TOX3: variants seen among roughly 807,000 people sequenced by gnomAD.
TOX3 encodes the protein CAG trinucleotide repeat-containing gene F9 protein.
TOX3 carries 22 observed loss-of-function variants against 64.3 expected under a neutral mutation model. The ratio of observed to expected loss-of-function variants is 0.34; its 90% CI spans 0.24 to 0.49. The LOEUF is 0.49. Ranked by LOEUF, TOX3 falls within the 20% of genes least tolerant of loss-of-function variation. The pLI, the probability that TOX3 is intolerant of heterozygous loss-of-function variation, is 0.99. For missense variants in TOX3, 661 were observed against 714.4 expected (o/e 0.93, Z 0.85); for synonymous variants, 291 against 273.6 (o/e 1.06, Z -0.63).
Position 52,439,830 on chromosome 16 carries a change from G to GGA in TOX3, c.1124_1125dup (p.Gln376SerfsTer14). ...GCGATTGACCTAGGGAGGGATTGCT[G>GGA]GAGAGTCTGAGGTGATGCTGACACT... On this transcript the variant is annotated frameshift_variant, in exon 7 of 7. Transcript: ENST00000219746. LOFTEE classifies it high-confidence loss of function. 6.2e-7 allele frequency: 1 copy of GGA among 1,613,896 alleles called. No individual in the cohort carries two copies. Among genetic ancestry groups the GGA allele is most frequent in the Non-Finnish European group, 8.5e-7 (1 of 1,179,866 alleles).
At chr16:52,502,040 C>T (rs899683005) in intron 1 of TOX3, among the ~76,000 whole-genome samples, 7 of 152,254 alleles carry the variant, frequency 4.6e-5, no homozygotes, top group South Asian at 4.1e-4. Flanking sequence ...AAAAAGTGGC[C>T]GCGATTTCCC....
chr16:52,459,093 A>T (rs1441563565), intron 3 of TOX3, among the ~76,000 whole-genome samples: 1 of 152,150 alleles, frequency 6.6e-6, no homozygotes, highest in African/African-American at 2.4e-5. Context: ...ACAGGAGAAC[A>T]GCTGGAAGCC....
intron 3 of TOX3, among the ~76,000 whole-genome samples, chr16:52,455,264 GT>G (rs923218376): frequency 1.4e-4 from 21 of 151,940 alleles, no homozygotes; most frequent in Admixed American, 1.3e-3. Context: ...AGCCTGAGTG[GT>G]ACTGACATTT....
intron 1 of TOX3, among the ~76,000 whole-genome samples, chr16:52,534,483 T>A (rs888556671): frequency 1.3e-5 from 2 of 151,770 alleles, no homozygotes; most frequent in Non-Finnish European, 2.9e-5. Flanking sequence ...ACAAAAATAT[T>A]AAAAATTAGC....
At chr16:52,459,460 T>C (rs1344914056) in intron 3 of TOX3, among the ~76,000 whole-genome samples, 1 of 152,214 alleles carries the variant, frequency 6.6e-6, no homozygotes, top group African/African-American at 2.4e-5. Context: ...ATGTGTATTT[T>C]TGCCTAGGTA....
chr16:52,490,106 G>A (rs896477163), intron 1 of TOX3, among the ~76,000 whole-genome samples: 2 of 152,036 alleles, frequency 1.3e-5, no homozygotes, highest in Non-Finnish European at 2.9e-5. Context: ...GTATGCCAAG[G>A]TAGGAGGTGA....
intron 1 of TOX3, among the ~76,000 whole-genome samples, chr16:52,488,309 C>T (rs924037782): frequency 1.3e-5 from 2 of 152,124 alleles, no homozygotes; most frequent in African/African-American, 4.8e-5. Context: ...TCAGCTCAAG[C>T]TACCAGATTT....
At chr16:52,525,827 T>C (rs762946146) in intron 1 of TOX3, among the ~76,000 whole-genome samples, 6 of 152,152 alleles carry the variant, frequency 3.9e-5, no homozygotes, top group Non-Finnish European at 7.4e-5. Flanking sequence ...AGGAAAACGA[T>C]TAGGAAAAAA....
intron 2 of TOX3, among the ~76,000 whole-genome samples, chr16:52,467,834 C>T (rs562938597): frequency 7.2e-5 from 11 of 152,140 alleles, no homozygotes; most frequent in East Asian, 1.9e-4. Context: ...CATCTGCACC[C>T]GTAAACTGAA....
intron 3 of TOX3, among the ~76,000 whole-genome samples, chr16:52,450,859 A>G (rs1960324397): frequency 6.9e-6 from 1 of 145,230 alleles, no homozygotes; most frequent in South Asian, 2.2e-4. Context: ...GAAGGAAGGA[A>G]AAAAAGAAGA....
At chr16:52,514,188 G>A (rs1962383859) in intron 1 of TOX3, among the ~76,000 whole-genome samples, 1 of 152,168 alleles carries the variant, frequency 6.6e-6, no homozygotes, top group Non-Finnish European at 1.5e-5. Flanking sequence ...TGTAAACAAA[G>A]ACATGGAGCT....
chr16:52,448,096 G>A (rs139808198), intron 4 of TOX3, among the ~76,000 whole-genome samples: 61 of 152,274 alleles, frequency 4.0e-4, no homozygotes, highest in African/African-American at 1.4e-3. Flanking sequence ...GAAATGTGGA[G>A]TCTCACATTT....
chr16:52,528,626 T>C (rs1301315730), intron 1 of TOX3, among the ~76,000 whole-genome samples: 1 of 152,098 alleles, frequency 6.6e-6, no homozygotes, highest in Admixed American at 6.6e-5. Flanking sequence ...TTGAAACCTA[T>C]TAGACCTCTT....
intron 3 of TOX3, among the ~76,000 whole-genome samples, chr16:52,455,788 T>C (rs992670898): frequency 6.6e-6 from 1 of 152,114 alleles, no homozygotes; most frequent in Non-Finnish European, 1.5e-5. Flanking sequence ...GATCTTGACA[T>C]GCTTGAGAAA....
At position 52,450,492 on chromosome 16, in the gene TOX3, G is replaced by T; in HGVS notation, c.463C>A (p.Arg155=). 6.2e-7 allele frequency: 1 copy of T among 1,614,014 alleles called. No individual in the cohort carries two copies. The highest frequency in any genetic ancestry group is 1.7e-5 in the Admixed American group (1 of 60,032). ...GCATCGGTCATGTGGACGATGGACC[G>T]CATGATCAGGGAGGGATCCTGCCGG... The part of the protein sequence containing the change: ...QYRQDPSLIM[R]SIVHMTDAAR... The change falls in exon 4 of 7, where the codon CGG becomes AGG. Residue 155 remains arginine, a synonymous_variant. Transcript: ENST00000219746.
intron 1 of TOX3, among the ~76,000 whole-genome samples, chr16:52,473,743 G>A (rs746059851): frequency 6.6e-6 from 1 of 152,080 alleles, no homozygotes; most frequent in Non-Finnish European, 1.5e-5. Flanking sequence ...ACATTAGAAG[G>A]CAAAGCATGA....
chr16:52,445,940 AT>A, intron 5 of TOX3, 53 bp downstream of exon 5: 2 of 1,522,116 alleles, frequency 1.3e-6, no homozygotes, highest in Non-Finnish European at 1.8e-6. Flanking sequence ...TGTGAGGAAT[AT>A]TTTAAATGAT....
At chr16:52,476,647 A>G (rs1020389166) in intron 1 of TOX3, among the ~76,000 whole-genome samples, 1 of 152,142 alleles carries the variant, frequency 6.6e-6, no homozygotes, top group African/African-American at 2.4e-5. Context: ...ATGGTAACAC[A>G]TATGTTGTGA....
chr16:52,470,145 C>T (rs1960999230), intron 1 of TOX3, among the ~76,000 whole-genome samples: 1 of 152,134 alleles, frequency 6.6e-6, no homozygotes, highest in African/African-American at 2.4e-5. Context: ...ACATATTTTC[C>T]CTTGTTTTTC....
Sources: gnomAD v4.1 joint callset for allele counts (sites outside exome capture counted in the v4.1 genomes callset) on GRCh38, gnomAD v4.1.1 for gene constraint, MANE v1.5 for transcripts, NCBI Gene and HGNC (gene_info 2026-07-23, HGNC 2026-07-21) for gene names.